The following FAM76B variants were observed in gnomAD, a reference collection of about 807,000 sequenced individuals.
FAM76B encodes the protein protein FAM76B.
FAM76B carries 16 observed loss-of-function variants against 51.8 expected under a neutral mutation model. That is an observed-to-expected ratio of 0.31 (90% CI 0.21 to 0.47). The LOEUF (loss-of-function observed/expected upper bound fraction) is 0.47, where lower values mean the gene tolerates loss of function less well. Ranked by LOEUF, FAM76B falls within the 20% of genes least tolerant of loss-of-function variation. FAM76B has a pLI of 1.00. For missense variants in FAM76B, 342 were observed against 392.6 expected, an observed-to-expected ratio of 0.87 and a Z score of 1.09; for synonymous variants, 166 against 129.5, an observed-to-expected ratio of 1.28 and a Z score of -1.91.
chr11:95,784,534 T>C (rs1860448822), intron 4 of FAM76B, among the ~76,000 whole-genome samples: 2 of 150,910 alleles, frequency 1.3e-5, no homozygotes. Context: ...TGGCCATGAG[T>C]GCAATTAAAT....
intron 3 of FAM76B, 131 bp from the exon 4 acceptor site, chr11:95,786,405 T>C (rs1370906094): frequency 1.2e-5 from 12 of 1,022,012 alleles, no homozygotes; most frequent in Admixed American, 2.8e-5. Context: ...GTCAAGTTTG[T>C]TGCCCTGTCA....
intron 7 of FAM76B, chr11:95,779,277 T>C: frequency 1.5e-6 from 1 of 648,662 alleles, no homozygotes; most frequent in Admixed American, 3.0e-5. Context: ...ATTTTTAATC[T>C]AAAAACATTT....
At position 95,769,806 on chromosome 11, in the gene FAM76B, A is replaced by C. The variant is rs1026465695; in HGVS notation, c.*1755T>G. ...ATTACATGAAGATCCCATAAAAATA[A>C]ACTGGTTTAGTTTACAAGATTCTAA... On this transcript the variant is annotated 3_prime_UTR_variant, in exon 10 of 10. Coordinates refer to ENST00000358780, the MANE Select transcript of FAM76B (RefSeq NM_144664.5). 2 of 151,596 alleles carry C rather than the reference A, an allele frequency of 1.3e-5. No individual in the cohort carries two copies. The highest frequency in any genetic ancestry group is 4.8e-5 in the African/African-American group (2 of 41,362). The allele number at this position is 151,596 out of a possible 1,614,324, so 9.4% of individuals were successfully genotyped here.
At position 95,782,060 on chromosome 11, in the gene FAM76B, T is replaced by C. The variant is rs568949207; in HGVS notation, c.563+1005A>G. On this transcript the variant is annotated intron_variant, in intron 5 of 9. Transcript: ENST00000358780. ...AAATTTAAGAACAAACAATAAATTA[T>C]TCTGAAAATGGGCATGCCATATGTC... is the stretch of plus-strand genomic sequence containing the variant. Among the ~76,000 whole-genome samples, 35 of 152,324 alleles carry C rather than the reference T, an allele frequency of 2.3e-4. 1 individual carries two copies. Among genetic ancestry groups the C allele is most frequent in the Non-Finnish European group, 4.3e-4 (29 of 68,012 alleles).
At chr11:95,788,658 A>G in intron 1 of FAM76B, 95 bp from the exon 2 acceptor site, 1 of 1,344,626 alleles carries the variant, frequency 7.4e-7, no homozygotes, top group Non-Finnish European at 1.0e-6. Context: ...GTGAAAGTCT[A>G]AAACATTTAT....
rs1351844170 is a variant in FAM76B at position 95,778,950 on chromosome 11, T to A, written c.700A>T (p.Ile234Leu). 3 of 1,606,690 alleles carry A rather than the reference T, an allele frequency of 1.9e-6. No homozygotes were observed. The highest frequency in any genetic ancestry group is 2.5e-6 in the Non-Finnish European group (3 of 1,176,830). Reference sequence around the variant, plus strand: ...CCCCCACTATCTGCTGACTGATTTATAGAGCTACTAAAAAGAAAAAAGTAA... The same window carrying A: ...CCCCCACTATCTGCTGACTGATTTAAAGAGCTACTAAAAAGAAAAAAGTAA... ...SKPSNGDSSSINQSADSGGTD... is the reference protein window; with the variant it reads ...SKPSNGDSSSLNQSADSGGTD... The change falls in exon 8 of 10, where the codon ATA becomes TTA. Residue 234 changes from isoleucine (I) to leucine (L), a missense_variant. Around this residue, in one of 3 missense-constraint regions of FAM76B, gnomAD observed 230 missense variants for 257.4 expected, o/e 0.89. Transcript: ENST00000358780.
At chr11:95,788,680 C>T (rs1324817241) in intron 1 of FAM76B, 117 bp from the exon 2 acceptor site, 2 of 1,247,410 alleles carry the variant, frequency 1.6e-6, no homozygotes, top group African/African-American at 1.5e-5. Flanking sequence ...AAACCTGGCC[C>T]CAACGTAAAG....
At chr11:95,784,187 A>G (rs1321740786) in intron 4 of FAM76B, among the ~76,000 whole-genome samples, 1 of 152,184 alleles carries the variant, frequency 6.6e-6, no homozygotes, top group East Asian at 1.9e-4. Context: ...TGACAAAAGA[A>G]CAGAAAACCA....
At chr11:95,788,454 GACA>G (rs1565298522) in intron 2 of FAM76B, 42 bp downstream of exon 2, 1 of 1,432,542 alleles carries the variant, frequency 7.0e-7, no homozygotes, top group Non-Finnish European at 9.8e-7. Flanking sequence ...ATTCCATAAA[GACA>G]ACACTTGTCT....
At chr11:95,784,808 C>T (rs1289057711) in intron 4 of FAM76B, among the ~76,000 whole-genome samples, 2 of 152,050 alleles carry the variant, frequency 1.3e-5, no homozygotes, top group African/African-American at 4.8e-5. Context: ...AGGATGGTCT[C>T]GATCTCCTAA....
In FAM76B at chr11:95,783,153, A is replaced by G. The variant is rs1211830929; in HGVS notation, c.475T>C (p.Ser159Pro). ...LGSSHSNSSSSSLTEKDQHHP... is the reference protein window; with the variant it reads ...LGSSHSNSSSPSLTEKDQHHP... ...TGCTGGTCTTTCTCAGTAAGAGATG[A>G]AGAAGATGAATTTGAATGTGAAGAT... Residue 159 changes from serine (S) to proline (P), a missense_variant, in exon 5 of 10, where the codon TCA (serine) becomes CCA (proline). This residue lies in a region of FAM76B where 230 missense variants were observed against 257.4 expected (regional missense o/e 0.89). Coordinates refer to ENST00000358780, the MANE Select transcript of FAM76B (RefSeq NM_144664.5). 3.7e-6 allele frequency: 6 copies of G among 1,613,630 alleles called. No individual in the cohort carries two copies. Among genetic ancestry groups the G allele is most frequent in the Non-Finnish European group, 5.1e-6 (6 of 1,179,654 alleles).
intron 1 of FAM76B, 146 bp downstream of exon 1, chr11:95,789,246 A>G: frequency 1.1e-5 from 11 of 979,236 alleles, no homozygotes; most frequent in Admixed American, 2.8e-5. Flanking sequence ...CCCCAGAAAA[A>G]GGGGTCCCCG....
At position 95,783,279 on chromosome 11, in the gene FAM76B, T is replaced by C. The variant is rs375767503; in HGVS notation, c.364-15A>G. The C allele has an allele frequency of 3.1e-6, 5 of 1,608,168 alleles. No homozygotes were observed. The African/African-American group carries it at 5.4e-5, about 17-fold the overall frequency. On this transcript the variant is annotated splice_polypyrimidine_tract_variant and intron_variant, in intron 4 of 9. Coordinates refer to ENST00000358780, the MANE Select transcript of FAM76B (RefSeq NM_144664.5). ...TTTCCATCAACCTTTTAAGAAAATG[T>C]GTTAAATTAAATGTACCCATATAAA...
intron 1 of FAM76B, chr11:95,788,811 G>A: frequency 6.8e-7 from 1 of 1,464,488 alleles, no homozygotes; most frequent in South Asian, 1.2e-5. Context: ...AGCTGTCAGG[G>A]CCTATTTCAA....
At chr11:95,780,110 T>G (rs1011657670) in intron 5 of FAM76B, among the ~76,000 whole-genome samples, 184 bp from the exon 6 acceptor site, 10 of 151,874 alleles carry the variant, frequency 6.6e-5, no homozygotes, top group African/African-American at 1.9e-4. Context: ...AAATAAATTT[T>G]AATAAAATGA....
At position 95,771,668 on chromosome 11, in the gene FAM76B, AT is replaced by A. The variant is rs760164832; in HGVS notation, c.931-19del. ...TTTTTGGCCTGTGGGAGACAAAAACATTCAAGATTAAAAATGTTTGAAATAT... is the reference window on the plus strand; with the variant it reads ...TTTTTGGCCTGTGGGAGACAAAAACATCAAGATTAAAAATGTTTGAAATAT... On this transcript the variant is annotated intron_variant, in intron 9 of 9. Transcript: ENST00000358780. The A allele has an allele frequency of 6.3e-7, 1 of 1,583,468 alleles. No individual in the cohort carries two copies. The highest frequency in any genetic ancestry group is 8.7e-7 in the Non-Finnish European group (1 of 1,155,990).
intron 8 of FAM76B, among the ~76,000 whole-genome samples, chr11:95,776,793 CAG>C (rs989137371): frequency 6.0e-5 from 9 of 151,178 alleles, no homozygotes; most frequent in Admixed American, 5.9e-4. Context: ...GAGGGAACTC[CAG>C]GTTATTTTTT....
intron 8 of FAM76B, 89 bp downstream of exon 8, chr11:95,778,733 A>C (rs1319093591): frequency 1.4e-6 from 2 of 1,432,152 alleles, no homozygotes; most frequent in East Asian, 4.8e-5. Context: ...ACATTACCAA[A>C]TTATTAAAGG....
chr11:95,784,899 A>T (rs1860478098), intron 4 of FAM76B, among the ~76,000 whole-genome samples: 1 of 152,124 alleles, frequency 6.6e-6, no homozygotes, highest in South Asian at 2.1e-4. Flanking sequence ...TCGACAGTAT[A>T]CATTAAATGA....
Sources: gnomAD v4.1 joint callset for allele counts (sites outside exome capture counted in the v4.1 genomes callset) on GRCh38, gnomAD v4.1.1 for gene constraint, gnomAD v4.1.1 regional missense constraint, MANE v1.5 for transcripts, NCBI Gene and HGNC (gene_info 2026-07-23, HGNC 2026-07-21) for gene names.